GFRAL: variants seen among roughly 807,000 people sequenced by gnomAD.
The protein encoded by GFRAL is GDNF family receptor alpha-like.
In GFRAL, 36 loss-of-function variants were observed where a neutral mutation model predicts 45.4. That is an observed-to-expected ratio of 0.79 (90% CI 0.61 to 1.05). GFRAL has a LOEUF of 1.05. Ranked by LOEUF, GFRAL falls within the 50% of genes least tolerant of loss-of-function variation. GFRAL has a pLI of 0.00. For synonymous variants in GFRAL, 166 were observed against 154.1 expected (o/e 1.08, Z -0.57); for missense variants, 507 against 467.5 (o/e 1.08, Z -0.78).
intron 3 of GFRAL, among the ~76,000 whole-genome samples, chr6:55,348,228 G>GA (rs2127354419): frequency 1.2e-5 from 1 of 82,142 alleles, no homozygotes; most frequent in South Asian, 5.9e-4. Context: ...TATCCTCTGG[G>GA]AAAAAATGAG....
chr6:55,351,173 C>T (rs1234258758), intron 4 of GFRAL, 80 bp from the exon 5 acceptor site: 6 of 995,834 alleles, frequency 6.0e-6, no homozygotes, highest in Non-Finnish European at 9.1e-6. Context: ...TGCTCATAGA[C>T]TTCTCACAGT....
At chr6:55,343,839 A>G (rs1218291738) in intron 3 of GFRAL, among the ~76,000 whole-genome samples, 1 of 152,214 alleles carries the variant, frequency 6.6e-6, no homozygotes, top group Non-Finnish European at 1.5e-5. Context: ...AAAATGATAA[A>G]GGGGATATCA....
chr6:55,397,386 C>T (rs13214564), intron 6 of GFRAL, among the ~76,000 whole-genome samples: 4,701 of 147,226 alleles, frequency 0.032, 229 homozygotes, highest in Non-Finnish European at 0.049. Context: ...GGCGCAGTGG[C>T]GGGCGCCTGT....
intron 5 of GFRAL, among the ~76,000 whole-genome samples, chr6:55,356,357 A>T (rs1196486652): frequency 6.6e-6 from 1 of 151,830 alleles, no homozygotes; most frequent in Non-Finnish European, 1.5e-5. Context: ...CCTTGCTGGG[A>T]GACTTTCTAT....
chr6:55,328,623 T>G (rs1246445232), intron 1 of GFRAL, among the ~76,000 whole-genome samples: 1 of 151,920 alleles, frequency 6.6e-6, no homozygotes, highest in Non-Finnish European at 1.5e-5. Flanking sequence ...CTTTAGTTCT[T>G]TTTTGTGATA....
intron 6 of GFRAL, among the ~76,000 whole-genome samples, chr6:55,398,418 A>T (rs989163953): frequency 2.0e-5 from 3 of 152,198 alleles, no homozygotes; most frequent in African/African-American, 7.2e-5. Flanking sequence ...TGACATTCAT[A>T]TTTGTGTACA....
At chr6:55,358,282 T>C (rs1213857236) in intron 5 of GFRAL, among the ~76,000 whole-genome samples, 3 of 151,932 alleles carry the variant, frequency 2.0e-5, no homozygotes. Flanking sequence ...CATTCATTAA[T>C]AAAAATATAT....
chr6:55,391,249 A>T (rs1489071508), intron 6 of GFRAL, among the ~76,000 whole-genome samples: 1 of 152,162 alleles, frequency 6.6e-6, no homozygotes, highest in Admixed American at 6.5e-5. Flanking sequence ...ATTTTCTAAA[A>T]CATCACGTCA....
At chr6:55,396,054 G>A (rs1768820899) in intron 6 of GFRAL, among the ~76,000 whole-genome samples, 1 of 152,102 alleles carries the variant, frequency 6.6e-6, no homozygotes, top group Admixed American at 6.6e-5. Context: ...TTAATTTCAT[G>A]GTTATAAAAC....
intron 4 of GFRAL, among the ~76,000 whole-genome samples, chr6:55,350,439 C>T (rs552651726): frequency 6.6e-6 from 1 of 152,176 alleles, no homozygotes; most frequent in African/African-American, 2.4e-5. Flanking sequence ...CTGTGGGAGG[C>T]TGAGGTAGGT....
chr6:55,332,074 T>A (rs996385982), intron 2 of GFRAL, among the ~76,000 whole-genome samples: 2 of 152,156 alleles, frequency 1.3e-5, no homozygotes, highest in Non-Finnish European at 2.9e-5. Flanking sequence ...TTATTCAAGA[T>A]TTCAGATTAT....
At chr6:55,356,696 A>G (rs1314391001) in intron 5 of GFRAL, among the ~76,000 whole-genome samples, 1 of 151,372 alleles carries the variant, frequency 6.6e-6, no homozygotes, top group Non-Finnish European at 1.5e-5. Context: ...TTTCACTTTC[A>G]TTTATTTCTG....
At chr6:55,393,420 TA>T (rs1018815837) in intron 6 of GFRAL, among the ~76,000 whole-genome samples, 1 of 152,118 alleles carries the variant, frequency 6.6e-6, no homozygotes, top group African/African-American at 2.4e-5. Flanking sequence ...CTGCCTCTTC[TA>T]AAAAAGACGT....
intron 6 of GFRAL, among the ~76,000 whole-genome samples, chr6:55,386,277 C>T (rs1768681049): frequency 6.6e-6 from 1 of 152,036 alleles, no homozygotes; most frequent in Admixed American, 6.6e-5. Flanking sequence ...TTCTTTGCTT[C>T]TAGTACTTAC....
intron 4 of GFRAL, among the ~76,000 whole-genome samples, chr6:55,350,981 A>G (rs925375412): frequency 6.6e-6 from 1 of 152,094 alleles, no homozygotes; most frequent in African/African-American, 2.4e-5. Context: ...TTGGACTGGG[A>G]GATTTTTCCT....
At chr6:55,359,723 A>G (rs565592781) in intron 6 of GFRAL, among the ~76,000 whole-genome samples, 1 of 152,088 alleles carries the variant, frequency 6.6e-6, no homozygotes, top group Non-Finnish European at 1.5e-5. Context: ...AAAAACTCTT[A>G]TGTGGAAGCA....
At chr6:55,399,053 A>G (rs754263770) in intron 6 of GFRAL, 127 bp from the exon 7 acceptor site, 2 of 519,372 alleles carry the variant, frequency 3.9e-6, no homozygotes, top group Admixed American at 7.6e-5. Flanking sequence ...GTTTTATTCA[A>G]ATCTATCAGA....
intron 5 of GFRAL, among the ~76,000 whole-genome samples, chr6:55,358,492 A>G (rs561454483): frequency 1.3e-5 from 2 of 152,092 alleles, no homozygotes; most frequent in South Asian, 4.1e-4. Flanking sequence ...AAAGTCAAAT[A>G]CCTTACTTGA....
chr6:55,340,024 C>T (rs1767940824), intron 3 of GFRAL, among the ~76,000 whole-genome samples: 1 of 152,054 alleles, frequency 6.6e-6, no homozygotes, highest in Non-Finnish European at 1.5e-5. Context: ...ATGGACAAGA[C>T]CTAAAGGAGA....
Sources: allele counts gnomAD v4.1 joint callset (sites outside exome capture counted in the v4.1 genomes callset), GRCh38; gene constraint gnomAD v4.1.1; transcripts MANE v1.5; gene names NCBI Gene and HGNC (gene_info 2026-07-23, HGNC 2026-07-21).